PTPRQ: variants seen among roughly 807,000 people sequenced by gnomAD.
PTPRQ encodes the protein phosphatidylinositol phosphatase PTPRQ.
In PTPRQ, 199 loss-of-function variants were observed where a neutral mutation model predicts 246.0. The ratio of observed to expected loss-of-function variants is 0.81; its 90% CI spans 0.72 to 0.91. The LOEUF (loss-of-function observed/expected upper bound fraction) is 0.91. Ranked by LOEUF, PTPRQ falls within the 40% of genes least tolerant of loss-of-function variation. PTPRQ has a pLI of 0.00. For synonymous variants in PTPRQ, 869 were observed against 853.2 expected (o/e 1.02, Z -0.32); for missense variants, 2,624 against 2,528.4 (o/e 1.04, Z -0.81).
intron 23 of PTPRQ, among the ~76,000 whole-genome samples, chr12:80,543,723 T>C (rs1255550558): frequency 1.3e-5 from 2 of 152,144 alleles, no homozygotes; most frequent in East Asian, 3.9e-4. Flanking sequence ...GCATTAACTT[T>C]ATGTCATCGG....
intron 35 of PTPRQ, among the ~76,000 whole-genome samples, chr12:80,640,021 TAC>T (rs1418627377): frequency 6.9e-5 from 10 of 144,664 alleles, no homozygotes; most frequent in Admixed American, 4.2e-4. Flanking sequence ...GGTATGAAGA[TAC>T]ACGTGTGTGT....
chr12:80,629,346 G>C (rs957291180), intron 33 of PTPRQ, among the ~76,000 whole-genome samples: 1 of 151,996 alleles, frequency 6.6e-6, no homozygotes, highest in African/African-American at 2.4e-5. Context: ...TATTAATTTG[G>C]GGGAAACACA....
intron 35 of PTPRQ, among the ~76,000 whole-genome samples, chr12:80,637,384 G>A (rs565791889): frequency 1.3e-5 from 2 of 152,164 alleles, no homozygotes; most frequent in East Asian, 1.9e-4. Context: ...TGCATTATTT[G>A]TAAAAGGGTT....
At chr12:80,601,623 G>T (rs1898146929) in intron 26 of PTPRQ, among the ~76,000 whole-genome samples, 1 of 151,726 alleles carries the variant, frequency 6.6e-6, no homozygotes, top group South Asian at 2.1e-4. Flanking sequence ...GTCCACACTG[G>T]TTCTTACAGA....
chr12:80,526,166 C>T (rs1895679769), intron 17 of PTPRQ, among the ~76,000 whole-genome samples: 1 of 152,102 alleles, frequency 6.6e-6, no homozygotes. Flanking sequence ...TGGATCTTCA[C>T]ATAAAAATCA....
rs528094094 is a variant in PTPRQ, at chr12:80,551,389, T to C, written c.4285+1655T>C. Among the ~76,000 whole-genome samples, 14 of 152,292 alleles carry C rather than the reference T, an allele frequency of 9.2e-5. No homozygotes were observed. The South Asian group carries it at 2.7e-3, about 29-fold the overall frequency. ...CCTTCTCCACCTTGGCCACCACCAT[T>C]GTATATTAGAGGGACCTTGTTGCTT... is the stretch of plus-strand genomic sequence containing the variant. On this transcript the variant is annotated intron_variant, in intron 25 of 44. Transcript: ENST00000644991.
Position 80,549,592 on chromosome 12 carries a change from T to C in PTPRQ, c.4143T>C (p.Ser1381=), listed in dbSNP as rs1327890333. 1 of 1,551,126 alleles carries C rather than the reference T, an allele frequency of 6.4e-7. No individual in the cohort carries two copies. The change falls in exon 25 of 45, where the codon TCT becomes TCC. Residue 1381 remains serine, a synonymous_variant. Transcript: ENST00000644991. ...TQYMVTVERN[S]TKVSPQDHMY... ...ATATGGTAACAGTTGAAAGGAATTC[T>C]ACAAAAGTTTCTCCCCAAGATCACA...
At chr12:80,653,475 A>G (rs1201592300) in intron 38 of PTPRQ, among the ~76,000 whole-genome samples, 4 of 152,226 alleles carry the variant, frequency 2.6e-5, no homozygotes, top group Non-Finnish European at 5.9e-5. Flanking sequence ...CCTATTTTCA[A>G]TATTCTGATT....
rs1216765246 is a variant in PTPRQ, at chr12:80,541,640, A to G, written c.3240A>G (p.Pro1080=). The G allele has an allele frequency of 1.3e-6, 2 of 1,549,612 alleles. No individual in the cohort carries two copies. The highest frequency in any genetic ancestry group is 1.4e-5 in the African/African-American group (1 of 72,984). The change falls in exon 21 of 45, where the codon CCA becomes CCG. Residue 1080 remains proline, a synonymous_variant. Coordinates refer to ENST00000644991, the MANE Select transcript of PTPRQ (RefSeq NM_001145026.2). ...TAAGCTGGGTCCCACCGGCTCAACC[A>G]AACGGTCTAGTCTTCTACTATGTTT... The part of the protein sequence containing the change: ...INVSWVPPAQ[P]NGLVFYYVSL...
intron 38 of PTPRQ, among the ~76,000 whole-genome samples, chr12:80,656,773 G>T (rs1188334679): frequency 6.6e-6 from 1 of 151,232 alleles, no homozygotes; most frequent in African/African-American, 2.4e-5. Context: ...ACAAAGTGGT[G>T]TTCCAAATCA....
In PTPRQ at chr12:80,634,939, T is replaced by C; in HGVS notation, c.5787-6T>C. The C allele has an allele frequency of 6.5e-7, 1 of 1,550,024 alleles. No homozygotes were observed. The highest frequency in any genetic ancestry group is 8.7e-7 in the Non-Finnish European group (1 of 1,146,170). On this transcript the variant is annotated splice_polypyrimidine_tract_variant and splice_region_variant and intron_variant, in intron 34 of 44. Transcript: ENST00000644991. ...CCCTTCTTGGACTTTACTCCGCTTG[T>C]TTTAGAATTCGACAGAAGCAGAAAG...
At chr12:80,644,390 G>T (rs980245319) in intron 35 of PTPRQ, among the ~76,000 whole-genome samples, 2 of 152,090 alleles carry the variant, frequency 1.3e-5, no homozygotes, top group Non-Finnish European at 2.9e-5. Flanking sequence ...ATCCAGTAAT[G>T]AACTGATTAT....
chr12:80,608,680 T>G (rs908491705), intron 27 of PTPRQ, among the ~76,000 whole-genome samples: 39 of 149,636 alleles, frequency 2.6e-4, no homozygotes, highest in African/African-American at 7.8e-4. Flanking sequence ...TGGGCTCAAA[T>G]CCTTCCTCTG....
chr12:80,545,472 A>G (rs184034678), intron 23 of PTPRQ, among the ~76,000 whole-genome samples: 1 of 152,204 alleles, frequency 6.6e-6, no homozygotes, highest in East Asian at 1.9e-4. Flanking sequence ...AGATTCCTAC[A>G]TTTATATCAC....
chr12:80,508,592 C>T (rs935504031), intron 16 of PTPRQ, among the ~76,000 whole-genome samples: 1 of 151,970 alleles, frequency 6.6e-6, no homozygotes, highest in South Asian at 2.1e-4. Context: ...TCTCAGCTAC[C>T]TTGAGATGCT....
chr12:80,468,683 T>A (rs916871087), intron 6 of PTPRQ, 27 bp from the exon 7 acceptor site: 24 of 1,509,706 alleles, frequency 1.6e-5, no homozygotes, highest in Admixed American at 2.3e-5. Flanking sequence ...ATATATGTTA[T>A]GTATTTATTT....
At chr12:80,480,472 G>A (rs1042046022) in intron 8 of PTPRQ, among the ~76,000 whole-genome samples, 25 of 149,344 alleles carry the variant, frequency 1.7e-4, no homozygotes, top group African/African-American at 5.2e-4. Context: ...AACTAGAAAA[G>A]CAAGAGCAAA....
At position 80,493,425 on chromosome 12, in the gene PTPRQ, A is replaced by G. The variant is rs576943149; in HGVS notation, c.1510A>G (p.Asn504Asp). The G allele has an allele frequency of 1.3e-6, 2 of 1,549,514 alleles. No homozygotes were observed. The highest frequency in any genetic ancestry group is 2.0e-5 in the Admixed American group (1 of 50,838). The part of the protein sequence containing the change: ...SHPDKNFPAR[N>D]RAEDQTSPVV... ...TCCAGATAAAAACTTTCCTGCAAGG[A>G]ATAGAGCTGAAGACCAGACTTCACC... is the stretch of plus-strand genomic sequence containing the variant. The change falls in exon 10 of 45, where the codon AAT becomes GAT. Residue 504 changes from asparagine to aspartate, a missense_variant. Asn to Asp is a conservative substitution (Grantham distance 23). Coordinates refer to ENST00000644991, the MANE Select transcript of PTPRQ (RefSeq NM_001145026.2).
intron 24 of PTPRQ, among the ~76,000 whole-genome samples, chr12:80,547,746 ATGT>A (rs1276006587): frequency 6.6e-6 from 1 of 152,130 alleles, no homozygotes. Context: ...CCATCTCATA[ATGT>A]TGTTGTCAAA....
Sources: allele counts gnomAD v4.1 joint callset (sites outside exome capture counted in the v4.1 genomes callset), GRCh38; gene constraint gnomAD v4.1.1; transcripts MANE v1.5; gene names NCBI Gene and HGNC (gene_info 2026-07-23, HGNC 2026-07-21).